ESCO1: variants seen among roughly 807,000 people sequenced by gnomAD.
The protein encoded by ESCO1 is N-acetyltransferase ESCO1.
Under a neutral mutation model 83.5 loss-of-function variants are expected in ESCO1, and 33 were observed. The ratio of observed to expected loss-of-function variants is 0.40; its 90% CI spans 0.30 to 0.53. The LOEUF is 0.53. Among genes scored for constraint, ESCO1 ranks in the 20% least tolerant of loss-of-function variants. The pLI, the probability that ESCO1 is intolerant of heterozygous loss-of-function variation, is 0.63. For synonymous variants in ESCO1, 332 were observed against 324.3 expected (o/e 1.02, Z -0.25); for missense variants, 855 against 968.0 (o/e 0.88, Z 1.55).
Position 21,573,369 on chromosome 18 carries a change from G to C in ESCO1, c.1475C>G (p.Ser492Cys), listed in dbSNP as rs767495676. 9 of 1,599,002 alleles carry C rather than the reference G, an allele frequency of 5.6e-6. No homozygotes were observed. Among genetic ancestry groups the C allele is most frequent in the Non-Finnish European group, 7.6e-6 (9 of 1,176,606 alleles). ...NCHLANEIKP[S>C]DPPLDNQMKH... ...CATCTGATTATCCAATGGTGGGTCA[G>C]AAGGTTTTATCTCATTGGCCAAATG... Residue 492 changes from serine (S) to cysteine (C), a missense_variant, in exon 4 of 12, where the codon TCT becomes TGT. By Grantham distance (112) the Ser-to-Cys change is moderately radical. Transcript: ENST00000269214.
intron 2 of ESCO1, among the ~76,000 whole-genome samples, chr18:21,583,126 G>T (rs2038526036): frequency 6.6e-6 from 1 of 152,112 alleles, no homozygotes; most frequent in South Asian, 2.1e-4. Flanking sequence ...AGGTTGCAGT[G>T]AGCCGAAATC....
chr18:21,532,493 A>C lies in ESCO1; in HGVS notation c.2355T>G (p.Ser785=). The C allele has an allele frequency of 6.2e-7, 1 of 1,612,974 alleles. No homozygotes were observed. Among genetic ancestry groups the C allele is most frequent in the Non-Finnish European group, 8.5e-7 (1 of 1,179,126 alleles). ...GTTACCTTAGGCATTCAATCATGCG[A>C]GAAGCAATTTTCTTCCGACGCATCA... The part of the protein sequence containing the change: ...FSMMRRKKIA[S]RMIECLRSNF... The change falls in exon 11 of 12, where the codon TCT becomes TCG. Residue 785 remains serine, a synonymous_variant. Coordinates refer to ENST00000269214, the MANE Select transcript of ESCO1 (RefSeq NM_052911.3).
intron 4 of ESCO1, 83 bp downstream of exon 4, chr18:21,573,231 C>T: frequency 7.5e-7 from 1 of 1,331,798 alleles, no homozygotes; most frequent in Non-Finnish European, 1.0e-6. Context: ...TTTATGACTT[C>T]ATTCTTATGC....
chr18:21,552,302 T>C (rs763972112), intron 8 of ESCO1, among the ~76,000 whole-genome samples: 4 of 152,280 alleles, frequency 2.6e-5, no homozygotes, highest in Non-Finnish European at 5.9e-5. Flanking sequence ...TCTTGAATTA[T>C]AGTTTCCATA....
intron 4 of ESCO1, among the ~76,000 whole-genome samples, chr18:21,570,292 TCTCA>T (rs2038322531): frequency 6.6e-6 from 1 of 151,532 alleles, no homozygotes; most frequent in Admixed American, 6.6e-5. Context: ...AGAGAGGGAG[TCTCA>T]CTATGTTGCT....
intron 8 of ESCO1, among the ~76,000 whole-genome samples, chr18:21,559,443 A>T (rs181743657): frequency 3.6e-4 from 55 of 152,342 alleles, no homozygotes; most frequent in African/African-American, 1.3e-3. Flanking sequence ...AGTAGAGCAG[A>T]TATTTCCTGA....
At position 21,539,858 on chromosome 18, in the gene ESCO1, A is replaced by G. The variant is rs1161472772; in HGVS notation, c.2043+62T>C. 3.4e-6 allele frequency: 5 copies of G among 1,480,814 alleles called. No individual in the cohort carries two copies. In the African/African-American group the frequency reaches 4.2e-5, roughly 13 times the overall value. The allele number at this position is 1,480,814 out of a possible 1,614,324, so 91.7% of individuals were successfully genotyped here. A position where few individuals can be genotyped will look rare whatever the true frequency, so the allele number is the denominator to read the frequency against. ...GCAAGACCCTGTCTCAGGGTAAAAAAAAAAAAAATTAACTGCAAAATGATA... is the reference window on the plus strand; with the variant it reads ...GCAAGACCCTGTCTCAGGGTAAAAAGAAAAAAAATTAACTGCAAAATGATA... On this transcript the variant is annotated intron_variant, in intron 9 of 11. Transcript: ENST00000269214.
chr18:21,573,602 T>C lies in ESCO1; in HGVS notation c.1242A>G (p.Lys414=), dbSNP rs2038371676. 1 of 1,614,018 alleles carries C rather than the reference T, an allele frequency of 6.2e-7. No individual in the cohort carries two copies. The highest frequency in any genetic ancestry group is 1.1e-5 in the South Asian group (1 of 91,088). Residue 414 remains lysine, a synonymous_variant, in exon 4 of 12, where the codon AAA becomes AAG. Coordinates refer to ENST00000269214, the MANE Select transcript of ESCO1 (RefSeq NM_052911.3). ...AAAAACTGGTTCGTAATAAGCCTAA[T>C]TTAGGGGAAACTTGAGAGTCCAACT... is the stretch of plus-strand genomic sequence containing the variant. ...HNKLDSQVSP[K]LGLLRTSFSP...
At chr18:21,554,099 AC>A (rs1276469186) in intron 8 of ESCO1, among the ~76,000 whole-genome samples, 1 of 152,246 alleles carries the variant, frequency 6.6e-6, no homozygotes, top group African/African-American at 2.4e-5. Context: ...ACATACCACT[AC>A]AAGCCTATTA....
intron 4 of ESCO1, among the ~76,000 whole-genome samples, chr18:21,570,493 T>C (rs1216787931): frequency 2.0e-5 from 3 of 152,202 alleles, no homozygotes; most frequent in African/African-American, 7.2e-5. Flanking sequence ...TCAAATATAA[T>C]GTTGATTACA....
intron 5 of ESCO1, among the ~76,000 whole-genome samples, chr18:21,567,313 T>C (rs191251067): frequency 6.6e-6 from 1 of 152,226 alleles, no homozygotes; most frequent in Admixed American, 6.5e-5. Flanking sequence ...TGCACCACCA[T>C]GCCTTGCTAA....
chr18:21,588,700 T>C (rs917356618), intron 1 of ESCO1, among the ~76,000 whole-genome samples: 9 of 152,086 alleles, frequency 5.9e-5, no homozygotes, highest in African/African-American at 2.2e-4. Context: ...GCAAATCTCT[T>C]GAGCACAGGA....
chr18:21,563,168 G>C (rs2038211892), intron 7 of ESCO1, among the ~76,000 whole-genome samples: 2 of 151,878 alleles, frequency 1.3e-5, no homozygotes, highest in African/African-American at 4.8e-5. Context: ...ACTGCACCTG[G>C]ACAAGTTCCA....
rs2037905738 is a variant in ESCO1, at chr18:21,541,492, C to G, written c.1954-1483G>C. On this transcript the variant is annotated intron_variant, in intron 8 of 11. Transcript: ENST00000269214. The stretch of plus-strand genomic sequence containing the variant: ...CCTGTAGTTCTGGCTACTCAGGAGG[C>G]TGAGGCAGGAGAATTGCTTGAACTC... Among the ~76,000 whole-genome samples, 4 of 150,124 alleles carry G rather than the reference C, an allele frequency of 2.7e-5. No homozygotes were observed. The Admixed American group carries it at 2.7e-4, about 10-fold the overall frequency.
chr18:21,545,572 C>CAAA, intron 8 of ESCO1, among the ~76,000 whole-genome samples: 1 of 93,448 alleles, frequency 1.1e-5, no homozygotes, highest in Non-Finnish European at 2.3e-5. Flanking sequence ...GACACCGTCT[C>CAAA]AAAAAAAAAA....
rs200657231 is a variant in ESCO1 at position 21,564,306 on chromosome 18, C to T, written c.1718G>A (p.Arg573Gln). The change falls in exon 7 of 12, where the codon CGA (arginine) becomes CAA (glutamine). Residue 573 changes from arginine to glutamine, a missense_variant. By Grantham distance (43) the Arg-to-Gln change is conservative (BLOSUM62 1). Transcript: ENST00000269214. ...SKSSDNRETP[R>Q]NHSLPKCNSH... Reference sequence around the variant, plus strand: ...ATTACACTTAGGCAAAGAATGATTTCGTGGTGTCTCCCTTAAAAAAAATAA... The same window carrying T: ...ATTACACTTAGGCAAAGAATGATTTTGTGGTGTCTCCCTTAAAAAAAATAA... 57 of 1,604,276 alleles carry T rather than the reference C, an allele frequency of 3.6e-5. No individual in the cohort carries two copies. Among genetic ancestry groups the T allele is most frequent in the Admixed American group, 1.7e-4 (10 of 59,116 alleles).
intron 4 of ESCO1, among the ~76,000 whole-genome samples, chr18:21,570,185 C>T (rs1265987274): frequency 6.6e-6 from 1 of 152,196 alleles, no homozygotes; most frequent in Non-Finnish European, 1.5e-5. Context: ...GCAGCCTCAA[C>T]CTCCTGGGCT....
At chr18:21,558,497 G>A (rs748132099) in intron 8 of ESCO1, among the ~76,000 whole-genome samples, 3 of 152,118 alleles carry the variant, frequency 2.0e-5, no homozygotes, top group Non-Finnish European at 4.4e-5. Flanking sequence ...GGGAGGCCAA[G>A]GTGGGTGGAT....
chr18:21,539,785 T>A, intron 9 of ESCO1, 135 bp downstream of exon 9: 2 of 633,226 alleles, frequency 3.2e-6, no homozygotes, highest in Non-Finnish European at 5.6e-6. Context: ...GAGACAGAGG[T>A]TGCAGTGAGC....
Sources: allele counts gnomAD v4.1 joint callset (sites outside exome capture counted in the v4.1 genomes callset), GRCh38; gene constraint gnomAD v4.1.1; transcripts MANE v1.5; gene names NCBI Gene and HGNC (gene_info 2026-07-23, HGNC 2026-07-21).